Variants in MROH2A observed in about 807,000 individuals in gnomAD.
MROH2A encodes the protein maestro heat like repeat family member 2A.
MROH2A carries 174 observed loss-of-function variants against 200.4 expected under a neutral mutation model. The ratio of observed to expected loss-of-function variants is 0.87; its 90% confidence interval spans 0.77 to 0.98. MROH2A has a LOEUF of 0.98. Ranked by LOEUF, MROH2A falls within the 50% of genes least tolerant of loss-of-function variation. The pLI is 0.00. For missense variants in MROH2A, 2,045 were observed against 2,139.6 expected (o/e 0.96, Z 0.87); for synonymous variants, 829 against 840.4 (o/e 0.99, Z 0.23).
At chr2:233,829,879 C>A in intron 38 of MROH2A, 104 bp downstream of exon 38, 2 of 1,118,688 alleles carry the variant, frequency 1.8e-6, no homozygotes, top group Non-Finnish European at 2.3e-6. Flanking sequence ...CTTTTCTCTG[C>A]CTCAGTTGGT....
At chr2:233,800,002 C>G (rs112734239) in intron 13 of MROH2A, 103 bp downstream of exon 13, 1 of 1,431,180 alleles carries the variant, frequency 7.0e-7, no homozygotes, top group Non-Finnish European at 9.5e-7. Context: ...TTCAAACCTG[C>G]GTATCCATTC....
chr2:233,803,744 A>T (rs1436823196), intron 16 of MROH2A, among the ~76,000 whole-genome samples: 1 of 152,104 alleles, frequency 6.6e-6, no homozygotes, highest in Non-Finnish European at 1.5e-5. Context: ...CATCCCCACT[A>T]CACTGCCAAT....
intron 6 of MROH2A, among the ~76,000 whole-genome samples, chr2:233,793,398 C>A (rs1701904636): frequency 6.6e-6 from 1 of 152,180 alleles, no homozygotes; most frequent in Non-Finnish European, 1.5e-5. Context: ...ACCTGGAATC[C>A]CCAGGATGTG....
At position 233,795,073 on chromosome 2, in the gene MROH2A, C is replaced by T. The variant is rs189392430; in HGVS notation, c.966+567C>T. Among the ~76,000 whole-genome samples the T allele has an allele frequency of 6.0e-4, 92 of 152,268 alleles. 1 individual carries two copies. In the East Asian group the frequency reaches 8.9e-3, roughly 15 times the overall value. On this transcript the variant is annotated intron_variant, in intron 8 of 41. Coordinates refer to ENST00000389758, the MANE Select transcript of MROH2A (RefSeq NM_001394639.1). ...CCCAAAATCCAGGATGATCTCACTT[C>T]GAAATCCTGAACTAATTCCATCACA...
At chr2:233,787,803 T>A (rs540356209) in intron 3 of MROH2A, among the ~76,000 whole-genome samples, 85 of 7,644 alleles carry the variant, frequency 0.011, 36 homozygotes, top group Non-Finnish European at 0.01. Flanking sequence ...TAATATATAT[T>A]ATATATATTA....
At chr2:233,777,539 G>T (rs540454524), upstream of MROH2A, among the ~76,000 whole-genome samples, 9 of 152,300 alleles carry the variant, frequency 5.9e-5, no homozygotes, top group African/African-American at 2.2e-4. Context: ...AAGAAATGTT[G>T]GGCATGATAA....
At chr2:233,832,404 C>A in intron 40 of MROH2A, 125 bp downstream of exon 40, 1 of 973,690 alleles carries the variant, frequency 1.0e-6, no homozygotes, top group Non-Finnish European at 1.6e-6. Context: ...GAGCTCAGGT[C>A]TAAGCCCTGC....
intron 23 of MROH2A, 137 bp downstream of exon 23, chr2:233,811,053 C>T: frequency 1.0e-6 from 1 of 979,772 alleles, no homozygotes; most frequent in South Asian, 1.7e-5. Context: ...CTGCTTTGTC[C>T]TAACTGTAGG....
intron 3 of MROH2A, among the ~76,000 whole-genome samples, chr2:233,787,950 A>G (rs1238032829): frequency 1.3e-4 from 11 of 82,208 alleles, no homozygotes; most frequent in Non-Finnish European, 2.0e-4. Context: ...CATATATATT[A>G]TATATACATA....
At position 233,789,577 on chromosome 2, in the gene MROH2A, C is replaced by A; in HGVS notation, c.357C>A (p.Cys119Ter). Residue 119 changes from cysteine to a stop codon, truncating the protein, a stop_gained, in exon 4 of 42, where the codon TGC becomes TGA. Transcript: ENST00000389758. LOFTEE classifies it high-confidence loss of function. ...IQQEGELEEQCVQRLVAIASK... is the reference protein window; with the variant it reads ...IQQEGELEEQ ...AGGAGGGGGAGCTGGAGGAGCAGTG[C>A]GTGCAGAGGCTGGTGGCCATTGCCT... is the stretch of plus-strand genomic sequence containing the variant. 6.7e-7 allele frequency: 1 copy of A among 1,497,084 alleles called. No individual in the cohort carries two copies. Among genetic ancestry groups the A allele is most frequent in the Non-Finnish European group, 8.9e-7 (1 of 1,121,642 alleles). The allele number at this position is 1,497,084 out of a possible 1,614,324, so 92.7% of individuals were successfully genotyped here.
upstream of MROH2A, among the ~76,000 whole-genome samples, chr2:233,776,089 C>G (rs1052022650): frequency 2.0e-5 from 3 of 152,122 alleles, no homozygotes; most frequent in African/African-American, 7.2e-5. Flanking sequence ...TTACCCAGTC[C>G]TGGGTATTTC....
upstream of MROH2A, among the ~76,000 whole-genome samples, chr2:233,777,593 A>G (rs1700747449): frequency 6.6e-6 from 1 of 152,260 alleles, no homozygotes; most frequent in African/African-American, 2.4e-5. Context: ...AAGTAGAAAG[A>G]GGCTGGTCCT....
In MROH2A at chr2:233,789,605, A is replaced by C; in HGVS notation, c.385A>C (p.Lys129Gln). The part of the protein sequence containing the change: ...CVQRLVAIAS[K>Q]EMREIPEMEG... ...GCAGAGGCTGGTGGCCATTGCCTCC[A>C]AGGAGATGAGGGAGATCCCAGAGGT... Residue 129 changes from lysine to glutamine, a missense_variant, in exon 4 of 42, where the codon AAG becomes CAG. Physicochemically the swap from Lys to Gln is moderately conservative, Grantham distance 53. Coordinates refer to ENST00000389758, the MANE Select transcript of MROH2A (RefSeq NM_001394639.1). 2 of 1,478,630 alleles carry C rather than the reference A, an allele frequency of 1.4e-6. No homozygotes were observed. Among genetic ancestry groups the C allele is most frequent in the Non-Finnish European group, 1.8e-6 (2 of 1,112,902 alleles). 91.6% of individuals were successfully genotyped at this position (1,478,630 alleles called of 1,614,324 possible). A position where few individuals can be genotyped will look rare whatever the true frequency, so the allele number is the denominator to read the frequency against.
upstream of MROH2A, among the ~76,000 whole-genome samples, chr2:233,777,828 A>G (rs1250908792): frequency 6.6e-6 from 1 of 152,234 alleles, no homozygotes; most frequent in Non-Finnish European, 1.5e-5. Flanking sequence ...GCTATAAATG[A>G]CAGGGAAATC....
intron 24 of MROH2A, among the ~76,000 whole-genome samples, chr2:233,813,291 C>G (rs1012564383): frequency 2.6e-5 from 4 of 152,186 alleles, no homozygotes; most frequent in African/African-American, 7.2e-5. Flanking sequence ...GCTGCTGCTG[C>G]TGGTGATGGT....
intron 39 of MROH2A, among the ~76,000 whole-genome samples, chr2:233,831,868 G>T (rs1014246248): frequency 6.6e-6 from 1 of 152,092 alleles, no homozygotes; most frequent in East Asian, 1.9e-4. Flanking sequence ...ACAATTTTTG[G>T]GGTACCATCT....
At chr2:233,823,332 A>G (rs1704079667) in intron 34 of MROH2A, among the ~76,000 whole-genome samples, 1 of 152,156 alleles carries the variant, frequency 6.6e-6, no homozygotes, top group Admixed American at 6.5e-5. Context: ...AGCCGCCCTC[A>G]CTCTAGTCCC....
rs1270702020 is a variant in MROH2A, at chr2:233,789,936, C to T, written c.493C>T (p.Leu165=). The T allele has an allele frequency of 1.3e-6, 2 of 1,550,542 alleles. No individual in the cohort carries two copies. Among genetic ancestry groups the T allele is most frequent in the East Asian group, 2.4e-5 (1 of 40,910 alleles). Residue 165 remains leucine, a synonymous_variant, in exon 5 of 42, where the codon CTG becomes TTG. Transcript: ENST00000389758. ...CCACTTCAGCTTGGTCATGTACGAGCTGCAGCACCACCTCAAGCCCCTCAA... is the reference window on the plus strand; with the variant it reads ...CCACTTCAGCTTGGTCATGTACGAGTTGCAGCACCACCTCAAGCCCCTCAA... ...RNHFSLVMYE[L]QHHLKPLNLT... is the part of the protein sequence containing the mutation.
At chr2:233,787,516 AC>A (rs1277592394) in intron 3 of MROH2A, among the ~76,000 whole-genome samples, 2 of 125,370 alleles carry the variant, frequency 1.6e-5, no homozygotes, top group African/African-American at 3.1e-5. Context: ...TATTATATAT[AC>A]ATATATATTA....
Sources: allele counts gnomAD v4.1 joint callset (sites outside exome capture counted in the v4.1 genomes callset), GRCh38; gene constraint gnomAD v4.1.1; transcripts MANE v1.5; gene names NCBI Gene and HGNC (gene_info 2026-07-23, HGNC 2026-07-21).